DNAH6: variants seen among roughly 807,000 people sequenced by gnomAD.
DNAH6 encodes the protein axonemal beta dynein heavy chain 6.
In DNAH6, 340 loss-of-function variants were observed where a neutral mutation model predicts 491.4. The observed-to-expected ratio is 0.69, with a 90% CI of 0.63 to 0.76. DNAH6 has a LOEUF of 0.76. Ranked by LOEUF, DNAH6 falls within the 30% of genes least tolerant of loss-of-function variation. The probability of loss-of-function intolerance (pLI) is 0.00; values close to 1 mark genes in which losing one functional copy is unlikely to be tolerated. For missense variants in DNAH6, 4,443 were observed against 4,972.2 expected (o/e 0.89, Z 3.20); for synonymous variants, 1,603 against 1,686.1 (o/e 0.95, Z 1.21).
intron 22 of DNAH6, 50 bp from the exon 23 acceptor site, chr2:84,616,836 A>T (rs995153122): frequency 2.0e-6 from 2 of 989,668 alleles, no homozygotes; most frequent in Non-Finnish European, 2.8e-6. Flanking sequence ...TTCAGAAAAA[A>T]ATTTGATTTT....
At chr2:84,817,228 T>C (rs548804379) in intron 76 of DNAH6, among the ~76,000 whole-genome samples, 4 of 150,002 alleles carry the variant, frequency 2.7e-5, no homozygotes, top group African/African-American at 9.8e-5. Context: ...GAAGAGACAA[T>C]GTATAATATA....
intron 63 of DNAH6, among the ~76,000 whole-genome samples, chr2:84,751,836 T>G (rs1673502899): frequency 6.6e-6 from 1 of 152,248 alleles, no homozygotes; most frequent in African/African-American, 2.4e-5. Context: ...TCAGTAGGTC[T>G]GGGCTAAAGA....
chr2:84,475,641 A>C, the DNAH6 span, among the ~76,000 whole-genome samples: 2 of 152,200 alleles, frequency 1.3e-5, no homozygotes, highest in African/African-American at 4.8e-5. Context: ...TGCCATCACA[A>C]GCCTTAATAT....
intron 64 of DNAH6, chr2:84,777,846 T>A: frequency 8.0e-7 from 1 of 1,243,906 alleles, no homozygotes; most frequent in Non-Finnish European, 1.2e-6. Flanking sequence ...TTTGAAACAA[T>A]AAGCAAATTG....
intron 70 of DNAH6, among the ~76,000 whole-genome samples, chr2:84,798,580 A>G (rs1179219775): frequency 6.6e-6 from 1 of 152,316 alleles, no homozygotes; most frequent in African/African-American, 2.4e-5. Flanking sequence ...AGGCCAAGAA[A>G]GAGCAGGTCC....
intron 71 of DNAH6, among the ~76,000 whole-genome samples, chr2:84,807,884 TC>T (rs1382753402): frequency 6.6e-6 from 1 of 152,030 alleles, no homozygotes; most frequent in Non-Finnish European, 1.5e-5. Context: ...CCTCACCTCC[TC>T]CCCACAGTCA....
the DNAH6 span, among the ~76,000 whole-genome samples, chr2:84,462,527 AG>A: frequency 6.6e-6 from 1 of 152,236 alleles, no homozygotes; most frequent in African/African-American, 2.4e-5. Context: ...GACCTGTCTC[AG>A]ATATTTTGGA....
At chr2:84,665,084 G>T (rs1345055522) in intron 37 of DNAH6, among the ~76,000 whole-genome samples, 1 of 152,166 alleles carries the variant, frequency 6.6e-6, no homozygotes, top group African/African-American at 2.4e-5. Context: ...GAATCTCTGG[G>T]ACACATTTAA....
chr2:84,647,103 TCC>T (rs1331490195), intron 33 of DNAH6, among the ~76,000 whole-genome samples: 1 of 152,128 alleles, frequency 6.6e-6, no homozygotes, highest in African/African-American at 2.4e-5. Flanking sequence ...CGCCTCAGCC[TCC>T]CAAAGTGCTG....
At chr2:84,771,288 C>CAA (rs996933035) in intron 64 of DNAH6, among the ~76,000 whole-genome samples, 3 of 117,584 alleles carry the variant, frequency 2.6e-5, no homozygotes, top group African/African-American at 6.3e-5. Flanking sequence ...AACTCAGTCT[C>CAA]AAAAAAAAAA....
intron 71 of DNAH6, 22 bp from the exon 72 acceptor site, chr2:84,808,393 G>A: frequency 4.0e-6 from 6 of 1,502,488 alleles, no homozygotes; most frequent in Non-Finnish European, 5.3e-6. Context: ...ACTGGCCTGA[G>A]GAATCGCTGT....
At chr2:84,467,654 A>C in the DNAH6 span, among the ~76,000 whole-genome samples, 1 of 152,264 alleles carries the variant, frequency 6.6e-6, no homozygotes, top group East Asian at 1.9e-4. Context: ...CATGGCTTAC[A>C]CAGACCATCT....
chr2:84,778,195 T>A, intron 64 of DNAH6: 1 of 694,364 alleles, frequency 1.4e-6, no homozygotes. Context: ...TAGAAGATTA[T>A]GAATCAGCTG....
At chr2:84,472,024 C>T in the DNAH6 span, among the ~76,000 whole-genome samples, 2 of 152,164 alleles carry the variant, frequency 1.3e-5, no homozygotes, top group Non-Finnish European at 2.9e-5. Context: ...TCCTCTTTCC[C>T]AGCTCTTAGT....
chr2:84,725,540 T>C (rs1573615161), intron 60 of DNAH6, among the ~76,000 whole-genome samples: 1 of 152,240 alleles, frequency 6.6e-6, no homozygotes, highest in Non-Finnish European at 1.5e-5. Flanking sequence ...GCCACCTAAA[T>C]GACTTTTTGT....
intron 12 of DNAH6, among the ~76,000 whole-genome samples, chr2:84,574,661 C>CATGGAGACTTAGT (rs1393222911): frequency 1.3e-5 from 2 of 152,294 alleles, no homozygotes; most frequent in East Asian, 3.9e-4. Flanking sequence ...AACACTATCA[C>CATGGAGACTTAGT]ATGGAGACTT....
chr2:84,674,330 C>G (rs974499516), intron 40 of DNAH6, among the ~76,000 whole-genome samples: 1 of 152,228 alleles, frequency 6.6e-6, no homozygotes, highest in Non-Finnish European at 1.5e-5. Flanking sequence ...AGCTAAGATT[C>G]CTCCCTGCCC....
chr2:84,537,555 G>C (rs1304975361), intron 4 of DNAH6, among the ~76,000 whole-genome samples: 3 of 152,166 alleles, frequency 2.0e-5, no homozygotes, highest in East Asian at 3.9e-4. Context: ...CTGCCCTGAA[G>C]GCAATAAGTG....
At chr2:84,657,589 T>C (rs1691098172) in intron 35 of DNAH6, among the ~76,000 whole-genome samples, 1 of 152,004 alleles carries the variant, frequency 6.6e-6, no homozygotes, top group Admixed American at 6.6e-5. Flanking sequence ...TGTGTTATAT[T>C]TTTAATTTCA....
Sources: gnomAD v4.1 joint callset for allele counts (sites outside exome capture counted in the v4.1 genomes callset) on GRCh38, gnomAD v4.1.1 for gene constraint, MANE v1.5 for transcripts, NCBI Gene and HGNC (gene_info 2026-07-23, HGNC 2026-07-21) for gene names.